The following ENTPD5 variants were observed in gnomAD, a reference collection of about 807,000 sequenced individuals.
ENTPD5 encodes the protein nucleoside diphosphate phosphatase ENTPD5.
Under a neutral mutation model 60.2 loss-of-function variants are expected in ENTPD5, and 49 were observed. The ratio of observed to expected loss-of-function variants is 0.81; its 90% confidence interval spans 0.65 to 1.03. ENTPD5 has a LOEUF of 1.03. Among genes scored for constraint, ENTPD5 ranks in the 50% least tolerant of loss-of-function variants. The pLI, the probability that ENTPD5 is intolerant of heterozygous loss-of-function variation, is 0.00. For synonymous variants in ENTPD5, 187 were observed against 185.4 expected, an observed-to-expected ratio of 1.01 and a Z score of -0.07; for missense variants, 480 against 507.6, an observed-to-expected ratio of 0.95 and a Z score of 0.52.
At chr14:73,971,765 G>A (rs2057235136) in intron 14 of ENTPD5, 87 bp downstream of exon 14, 4 of 854,886 alleles carry the variant, frequency 4.7e-6, no homozygotes, top group South Asian at 2.8e-5. Flanking sequence ...CTTCTGAGCT[G>A]ACTGAGGTGC....
Position 73,975,933 on chromosome 14 carries a change from C to G in ENTPD5, c.722+3G>C, listed in dbSNP as rs559834886. On this transcript the variant is annotated splice_donor_region_variant and intron_variant, in intron 10 of 15. Coordinates refer to ENST00000334696, the MANE Select transcript of ENTPD5 (RefSeq NM_001249.5). ...TATTCTTCTTCCCTGTCCCCGTCCT[C>G]ACCTATGTGTATAGAGCTTATAAGT... 1.6e-5 allele frequency: 25 copies of G among 1,601,484 alleles called. No individual in the cohort carries two copies. In the South Asian group the frequency reaches 2.6e-4, roughly 17 times the overall value.
At chr14:73,960,443 AC>A (rs1331052324), downstream of ENTPD5, 7 of 989,258 alleles carry the variant, frequency 7.1e-6, no homozygotes, top group African/African-American at 8.7e-5. Context: ...CTACCTTCAC[AC>A]CAAAGACTCC....
chr14:74,004,368 A>G (rs969200261), intron 3 of ENTPD5, among the ~76,000 whole-genome samples: 1 of 152,206 alleles, frequency 6.6e-6, no homozygotes, highest in East Asian at 1.9e-4. Context: ...GGGTTTCGCC[A>G]TATTGGCCAG....
intron 3 of ENTPD5, chr14:73,996,106 AC>A: frequency 2.0e-6 from 2 of 983,606 alleles, no homozygotes; most frequent in Non-Finnish European, 2.4e-6. Flanking sequence ...TCATGTGCTC[AC>A]CTGCTTGTGT....
chr14:73,991,608 C>CA (rs67647627), intron 3 of ENTPD5, among the ~76,000 whole-genome samples: 3,330 of 68,540 alleles, frequency 0.049, 196 homozygotes, highest in African/African-American at 0.14. Context: ...AAACAATAAC[C>CA]AAAAAAAAAA....
Position 73,969,996 on chromosome 14 carries a change from G to A in ENTPD5, c.1200+14C>T, listed in dbSNP as rs116066050. On this transcript the variant is annotated intron_variant, in intron 15 of 15. Transcript: ENST00000334696. ...AAGAGGGCTGTTATGAGACTCTGGT[G>A]TCCTGTCTCTTACCTGTAAGACTGT... is the stretch of plus-strand genomic sequence containing the variant. 7,579 of 1,573,084 alleles carry A rather than the reference G, an allele frequency of 4.8e-3. 309 individuals carry two copies. In the African/African-American group the frequency reaches 0.09, roughly 19 times the overall value.
At chr14:73,978,601 CAAACA>C (rs113384416) in intron 6 of ENTPD5, among the ~76,000 whole-genome samples, 18 of 148,982 alleles carry the variant, frequency 1.2e-4, no homozygotes, top group African/African-American at 3.2e-4. Context: ...GACTCTGTCT[CAAACA>C]AAACAAAACA....
At chr14:73,959,259 A>T (rs772524163), downstream of ENTPD5, 2 of 1,614,102 alleles carry the variant, frequency 1.2e-6, no homozygotes, top group African/African-American at 2.7e-5. Context: ...GCCCACATGC[A>T]TGCAAGCCTT....
Position 73,983,028 on chromosome 14 carries a change from A to G in ENTPD5, c.431T>C (p.Leu144Pro), listed in dbSNP as rs1308747023. The G allele has an allele frequency of 3.1e-6, 5 of 1,613,768 alleles. No individual in the cohort carries two copies. The highest frequency in any genetic ancestry group is 3.4e-6 in the Non-Finnish European group (4 of 1,179,870). The stretch of plus-strand genomic sequence containing the variant: ...AGTTTTAAAACTTACCTCAAAGAGC[A>G]GAGCCTTGGCTTTGTGTTCTGGCAG... ...RLLPEHKAKALLFEVKEIFRK... is the reference protein window; with the variant it reads ...RLLPEHKAKAPLFEVKEIFRK... Residue 144 changes from leucine to proline, a missense_variant, in exon 6 of 16, where the codon CTG (leucine) becomes CCG (proline). Coordinates refer to ENST00000334696, the MANE Select transcript of ENTPD5 (RefSeq NM_001249.5).
chr14:73,959,628 C>T (rs1022743300), downstream of ENTPD5: 8 of 1,569,628 alleles, frequency 5.1e-6, no homozygotes, highest in East Asian at 2.3e-5. Context: ...AGCGCAGTGG[C>T]GCGATCTTGG....
chr14:73,967,799 C>CAAAAAAAAAA (rs33926682), intron 15 of ENTPD5, among the ~76,000 whole-genome samples: 1 of 97,834 alleles, frequency 1.0e-5, no homozygotes, highest in African/African-American at 4.1e-5. Flanking sequence ...GACCCTGTCT[C>CAAAAAAAAAA]AAAAAAAAAA....
At chr14:73,958,145 A>G (rs753104462), downstream of ENTPD5, 19 of 1,613,692 alleles carry the variant, frequency 1.2e-5, no homozygotes, top group Non-Finnish European at 1.6e-5. Flanking sequence ...TGACCTCCCC[A>G]GACCGAGTGA....
intron 5 of ENTPD5, among the ~76,000 whole-genome samples, chr14:73,985,935 G>A (rs1055811077): frequency 3.3e-5 from 5 of 151,830 alleles, no homozygotes; most frequent in Non-Finnish European, 5.9e-5. Context: ...AGCCGGGCAT[G>A]GTGGCACATG....
In ENTPD5 at chr14:73,977,335, T is replaced by C. The variant is rs371269033; in HGVS notation, c.481A>G (p.Lys161Glu). The C allele has an allele frequency of 6.7e-5, 108 of 1,611,764 alleles. No individual in the cohort carries two copies. The highest frequency in any genetic ancestry group is 8.6e-5 in the Non-Finnish European group (101 of 1,179,248). The change falls in exon 7 of 16, where the codon AAG (lysine) becomes GAG (glutamate). Residue 161 changes from lysine to glutamate, a missense_variant. Physicochemically the swap from Lys to Glu is moderately conservative, Grantham distance 56 (BLOSUM62 1). Coordinates refer to ENST00000334696, the MANE Select transcript of ENTPD5 (RefSeq NM_001249.5). ...CCATCCATGATGCTAACACTGCCCT[T>C]TGGTACCAGGAAAGGTGACTTCCTG... is the stretch of plus-strand genomic sequence containing the variant. ...IFRKSPFLVP[K>E]GSVSIMDGSD...
In ENTPD5 at chr14:73,976,428, C is replaced by T; in HGVS notation, c.554-16G>A. 6.2e-7 allele frequency: 1 copy of T among 1,610,674 alleles called. No individual in the cohort carries two copies. Among genetic ancestry groups the T allele is most frequent in the Non-Finnish European group, 8.5e-7 (1 of 1,176,892 alleles). Reference sequence around the variant, plus strand: ...TGCAGCTGACCTGTCAAATGAGAGCCAGCTCTAAATAGCCTCGACATCCTG... The same window carrying T: ...TGCAGCTGACCTGTCAAATGAGAGCTAGCTCTAAATAGCCTCGACATCCTG... On this transcript the variant is annotated splice_polypyrimidine_tract_variant and intron_variant, in intron 8 of 15. Transcript: ENST00000334696.
chr14:73,973,924 T>G lies in ENTPD5; in HGVS notation c.839A>C (p.Glu280Ala), dbSNP rs760771362. The G allele has an allele frequency of 6.2e-7, 1 of 1,614,110 alleles. No homozygotes were observed. The highest frequency in any genetic ancestry group is 1.3e-5 in the African/African-American group (1 of 75,034). The part of the protein sequence containing the change: ...SACLPRWLEA[E>A]WIFGGVKYQY... ...GTATTTCACACCCCCAAAGATCCAC[T>G]CTGCTTCCAACCATCTCGGTAAACA... Residue 280 changes from glutamate to alanine, a missense_variant, in exon 12 of 16, where the codon GAG (glutamate) becomes GCG (alanine). Transcript: ENST00000334696.
Position 74,019,252 on chromosome 14 carries a change from CGCGCGCGCCA to C in ENTPD5, c.-250_-241del. On this transcript the variant is annotated 5_prime_UTR_variant, in exon 1 of 16. Coordinates refer to ENST00000334696, the MANE Select transcript of ENTPD5 (RefSeq NM_001249.5). ...GCCGCCGACACTCGCACACTCACCG[CGCGCGCGCCA>C]CCCTTGCGCGGCAGCCCGCCGCCCT... is the stretch of plus-strand genomic sequence containing the variant. 1 of 230,374 alleles carries C rather than the reference CGCGCGCGCCA, an allele frequency of 4.3e-6. No homozygotes were observed. Among genetic ancestry groups the C allele is most frequent in the Non-Finnish European group, 7.2e-6 (1 of 138,380 alleles). The allele number at this position is 230,374 out of a possible 1,614,324, so 14.3% of individuals were successfully genotyped here.
At chr14:74,018,567 CG>C (rs1283067147) in intron 1 of ENTPD5, 1 of 152,114 alleles carries the variant, frequency 6.6e-6, no homozygotes, top group African/African-American at 2.4e-5. Context: ...TTTCAGGAGT[CG>C]GGGAGGCAAG....
intron 3 of ENTPD5, among the ~76,000 whole-genome samples, chr14:73,994,960 A>T (rs2140724507): frequency 6.6e-6 from 1 of 151,590 alleles, no homozygotes; most frequent in Middle Eastern, 3.4e-3. Flanking sequence ...ACCATCTAAC[A>T]CATTATATAA....
Sources: allele counts gnomAD v4.1 joint callset (sites outside exome capture counted in the v4.1 genomes callset), GRCh38; gene constraint gnomAD v4.1.1; transcripts MANE v1.5; gene names NCBI Gene and HGNC (gene_info 2026-07-23, HGNC 2026-07-21).